Variants in LONP2 observed in about 807,000 individuals in gnomAD.
The protein encoded by LONP2 is lon peptidase 2, peroxisomal.
Under a neutral mutation model 85.6 loss-of-function variants are expected in LONP2, and 60 were observed. The observed-to-expected ratio is 0.70, with a 90% CI of 0.57 to 0.87. The LOEUF (loss-of-function observed/expected upper bound fraction) is 0.87. Among genes scored for constraint, LONP2 ranks in the 40% least tolerant of loss-of-function variants. The pLI is 0.00. For synonymous variants in LONP2, 395 were observed against 389.7 expected, an observed-to-expected ratio of 1.01 and a Z score of -0.16; for missense variants, 860 against 1,063.5, an observed-to-expected ratio of 0.81 and a Z score of 2.66.
In LONP2 at chr16:48,270,104, G is replaced by A. The variant is rs757507790; in HGVS notation, c.1071G>A (p.Leu357=). Residue 357 remains leucine (L), a synonymous_variant, in exon 7 of 15, where the codon TTG becomes TTA. Coordinates refer to ENST00000285737, the MANE Select transcript of LONP2 (RefSeq NM_031490.5). The part of the protein sequence containing the change: ...EKLKKRVLEY[L]AVRQLKNNLK... ...TGAAGAAAAGAGTACTGGAATACTT[G>A]GCTGTCAGACAGCTCAAAAATAACC... 6 of 1,613,972 alleles carry A rather than the reference G, an allele frequency of 3.7e-6. No individual in the cohort carries two copies. The Admixed American group carries it at 1.0e-4, about 27-fold the overall frequency.
chr16:48,261,357 T>C, intron 4 of LONP2, 67 bp from the exon 5 acceptor site: 1 of 1,159,710 alleles, frequency 8.6e-7, no homozygotes, highest in Non-Finnish European at 1.2e-6. Flanking sequence ...TAATCTTATG[T>C]GTACCTGGGT....
At chr16:48,276,769 G>C (rs1972217773) in intron 7 of LONP2, among the ~76,000 whole-genome samples, 1 of 152,192 alleles carries the variant, frequency 6.6e-6, no homozygotes, top group Non-Finnish European at 1.5e-5. Context: ...GTTGACCCCA[G>C]ATCCTTATAC....
intron 12 of LONP2, among the ~76,000 whole-genome samples, chr16:48,339,638 T>C (rs1817182450): frequency 6.6e-6 from 1 of 152,064 alleles, no homozygotes; most frequent in African/African-American, 2.4e-5. Context: ...AGTGGTACGA[T>C]AGAAACAAAG....
In LONP2 at chr16:48,351,798, T is replaced by A; in HGVS notation, c.2555T>A (p.Leu852Gln). ...AGACCTGGTCTGTTAAATAGCAAAC[T>A]GTAGGTCCAAATCTCAATTTTTTAG... ...KTRPGLLNSK[L>Q] The change falls in exon 15 of 15, where the codon CTG becomes CAG. Residue 852 changes from leucine (L) to glutamine (Q), a missense_variant. Leu to Gln is a moderately radical substitution (Grantham distance 113, BLOSUM62 -2). Coordinates refer to ENST00000285737, the MANE Select transcript of LONP2 (RefSeq NM_031490.5). 3 of 1,613,218 alleles carry A rather than the reference T, an allele frequency of 1.9e-6. No individual in the cohort carries two copies. Among genetic ancestry groups the A allele is most frequent in the Non-Finnish European group, 2.5e-6 (3 of 1,179,372 alleles).
chr16:48,256,825 A>C, intron 3 of LONP2, 84 bp downstream of exon 3: 1 of 1,330,498 alleles, frequency 7.5e-7, no homozygotes, highest in Non-Finnish European at 1.0e-6. Context: ...TTTGACCTTC[A>C]AGAAAAAGAT....
At chr16:48,297,767 T>C (rs1972706863) in intron 9 of LONP2, among the ~76,000 whole-genome samples, 1 of 152,122 alleles carries the variant, frequency 6.6e-6, no homozygotes, top group Non-Finnish European at 1.5e-5. Context: ...TGGCACGATC[T>C]CAGCTCACTG....
intron 8 of LONP2, among the ~76,000 whole-genome samples, chr16:48,286,440 C>T (rs114136586): frequency 0.012 from 1,867 of 152,122 alleles, 40 homozygotes; most frequent in African/African-American, 0.043. Context: ...CGTGCCTGGC[C>T]GCTGATTTGT....
At chr16:48,298,448 T>C (rs2150998019) in intron 9 of LONP2, among the ~76,000 whole-genome samples, 1 of 151,968 alleles carries the variant, frequency 6.6e-6, no homozygotes, top group Non-Finnish European at 1.5e-5. Flanking sequence ...TATGCACACA[T>C]ATATAAATAC....
intron 3 of LONP2, among the ~76,000 whole-genome samples, 158 bp from the exon 4 acceptor site, chr16:48,258,460 A>G (rs1194948157): frequency 6.6e-6 from 1 of 151,888 alleles, no homozygotes; most frequent in Non-Finnish European, 1.5e-5. Context: ...AACCTTGCTG[A>G]TTAATATAGT....
intron 8 of LONP2, among the ~76,000 whole-genome samples, chr16:48,284,845 T>A (rs1330452354): frequency 6.6e-6 from 1 of 152,154 alleles, no homozygotes; most frequent in African/African-American, 2.4e-5. Flanking sequence ...TATGGAATAA[T>A]AAGGATCAAC....
chr16:48,278,038 G>GT (rs368846522), intron 8 of LONP2, among the ~76,000 whole-genome samples: 3 of 149,722 alleles, frequency 2.0e-5, no homozygotes, highest in African/African-American at 4.9e-5. Flanking sequence ...TTTTTTTGTT[G>GT]TTTTTTTCTT....
intron 10 of LONP2, among the ~76,000 whole-genome samples, chr16:48,300,789 T>C (rs1387191330): frequency 6.6e-6 from 1 of 152,328 alleles, no homozygotes; most frequent in East Asian, 1.9e-4. Flanking sequence ...GTCTGAGTCT[T>C]CCAACAATAT....
rs111660248 is a variant in LONP2 at position 48,263,932 on chromosome 16, C to T, written c.982+1060C>T. Among the ~76,000 whole-genome samples, 1,025 of 152,138 alleles carry T rather than the reference C, an allele frequency of 6.7e-3. 13 individuals carry two copies. Among genetic ancestry groups the T allele is most frequent in the African/African-American group, 0.023 (970 of 41,488 alleles). On this transcript the variant is annotated intron_variant, in intron 6 of 14. Transcript: ENST00000285737. ...CTGGGTGTCTGGGGGAGACATCACA[C>T]GTTGGTAGGATCCGTGATGCCCCAC...
At position 48,348,100 on chromosome 16, in the gene LONP2, C is replaced by A; in HGVS notation, c.2147C>A (p.Ala716Asp). The A allele has an allele frequency of 6.3e-7, 1 of 1,594,216 alleles. No homozygotes were observed. Residue 716 changes from alanine (A) to aspartate (D), a missense_variant and splice_region_variant, in exon 14 of 15, where the codon GCT becomes GAT. Ala to Asp is a moderately radical substitution (Grantham distance 126). This residue lies in a region of LONP2 where 743 missense variants were observed against 917.3 expected (regional missense o/e 0.81). Transcript: ENST00000285737. ...TAAAGTCCCTTTTTCCTTTTTAAAG[C>A]TTTTGGAAGTTTTGATCTTCTTGAC... ...SNAKKYQLTN[A>D]FGSFDLLDNT...
At chr16:48,293,214 G>A (rs1048228604) in intron 8 of LONP2, among the ~76,000 whole-genome samples, 2 of 152,194 alleles carry the variant, frequency 1.3e-5, no homozygotes, top group Non-Finnish European at 2.9e-5. Flanking sequence ...AGATCACGAG[G>A]TCAGGAGATC....
Position 48,244,374 on chromosome 16 carries a change from C to A in LONP2, c.-15C>A. The A allele has an allele frequency of 6.6e-7, 1 of 1,521,716 alleles. No homozygotes were observed. The highest frequency in any genetic ancestry group is 8.8e-7 in the Non-Finnish European group (1 of 1,136,588). The allele number at this position is 1,521,716 out of a possible 1,614,324, so 94.3% of individuals were successfully genotyped here. On this transcript the variant is annotated 5_prime_UTR_variant, in exon 1 of 15. Transcript: ENST00000285737. ...TGGCTCTTTTTGACAGCCCCCAGTG[C>A]GAAAGGCTGCCAGCATGTCATCAGT...
At chr16:48,348,854 T>C (rs540841261) in intron 14 of LONP2, among the ~76,000 whole-genome samples, 2 of 152,304 alleles carry the variant, frequency 1.3e-5, no homozygotes, top group Non-Finnish European at 2.9e-5. Flanking sequence ...ATCAGAAATA[T>C]TGGCAGTTAC....
chr16:48,301,055 G>A (rs1972794141), intron 10 of LONP2, among the ~76,000 whole-genome samples: 1 of 152,164 alleles, frequency 6.6e-6, no homozygotes, highest in Non-Finnish European at 1.5e-5. Context: ...AATATCTGGA[G>A]CAGTTTTGTT....
At position 48,252,182 on chromosome 16, in the gene LONP2, G is replaced by A. The variant is rs1264703347; in HGVS notation, c.285G>A (p.Lys95=). The A allele has an allele frequency of 1.2e-6, 2 of 1,610,908 alleles. No individual in the cohort carries two copies. Among genetic ancestry groups the A allele is most frequent in the Admixed American group, 3.3e-5 (2 of 59,812 alleles). ...AGGTTGTGGGCAGTAACTGGCCCAA[G>A]CCCCACTACACTCTGTTGATTACAG... The part of the protein sequence containing the change: ...AVQVVGSNWP[K]PHYTLLITGL... Residue 95 remains lysine (K), a synonymous_variant, in exon 2 of 15, where the codon AAG becomes AAA. Coordinates refer to ENST00000285737, the MANE Select transcript of LONP2 (RefSeq NM_031490.5).
Sources: allele counts gnomAD v4.1 joint callset (sites outside exome capture counted in the v4.1 genomes callset), GRCh38; gene constraint gnomAD v4.1.1; regional missense constraint gnomAD v4.1.1; transcripts MANE v1.5; gene names NCBI Gene and HGNC (gene_info 2026-07-23, HGNC 2026-07-21).